ZNF790: variants seen among roughly 807,000 people sequenced by gnomAD.
The protein encoded by ZNF790 is zinc finger protein 790.
In ZNF790, 8 loss-of-function variants were observed where a neutral mutation model predicts 12.1. The ratio of observed to expected loss-of-function variants is 0.66; its 90% CI spans 0.39 to 1.19. ZNF790 has a LOEUF of 1.19. ZNF790 is among the 50% of genes most tolerant of loss of function. The pLI is 0.01. For synonymous variants in ZNF790, 252 were observed against 244.3 expected (o/e 1.03, Z -0.29); for missense variants, 707 against 752.2 (o/e 0.94, Z 0.70).
upstream of ZNF790, among the ~76,000 whole-genome samples, chr19:36,839,149 C>T (rs2072105870): frequency 6.6e-6 from 1 of 152,238 alleles, no homozygotes; most frequent in Non-Finnish European, 1.5e-5. Flanking sequence ...GAAGTACACA[C>T]TTGCCAGTTT....
At position 36,825,837 on chromosome 19, in the gene ZNF790, G is replaced by A. The variant is rs928954566; in HGVS notation, c.-73-145C>T. ...CCAAAACCAGAGAGATTCAACAAAA[G>A]CAGGATGAAGTTTCAGTCGAATCAC... On this transcript the variant is annotated intron_variant, in intron 1 of 4. Coordinates refer to ENST00000356725, the MANE Select transcript of ZNF790 (RefSeq NM_206894.4). 3 of 613,106 alleles carry A rather than the reference G, an allele frequency of 4.9e-6. No individual in the cohort carries two copies. In the South Asian group the frequency reaches 5.9e-5, roughly 12 times the overall value. The allele number at this position is 613,106 out of a possible 1,614,324, so 38.0% of individuals were successfully genotyped here.
upstream of ZNF790, chr19:36,838,504 A>C (rs2072098215): frequency 6.6e-6 from 1 of 152,190 alleles, no homozygotes; most frequent in Admixed American, 6.6e-5. This position sits in a 1 kb window ranked among gnomAD's most constrained non-coding sequence, Gnocchi z 4.4. Context: ...CCATTAACGG[A>C]CCCTGCATTT....
intron 1 of ZNF790, among the ~76,000 whole-genome samples, chr19:36,844,197 G>A (rs1600674967): frequency 6.6e-6 from 1 of 151,666 alleles, no homozygotes; most frequent in East Asian, 1.9e-4. Flanking sequence ...TGTGGTCCCA[G>A]CTACTTGTGA....
intron 1 of ZNF790, among the ~76,000 whole-genome samples, chr19:36,832,682 C>G (rs1348224914): frequency 6.6e-6 from 1 of 152,152 alleles, no homozygotes; most frequent in Non-Finnish European, 1.5e-5. Flanking sequence ...TAAGCCACTC[C>G]TGAACTCCTG....
chr19:36,839,350 T>C (rs2072108267), upstream of ZNF790, among the ~76,000 whole-genome samples: 2 of 152,226 alleles, frequency 1.3e-5, no homozygotes, highest in East Asian at 1.9e-4. Context: ...CAAGTGTTGG[T>C]ATCTCAAGAA....
chr19:36,820,209 A>G (rs987105661), intron 4 of ZNF790, 95 bp from the exon 5 acceptor site: 35 of 1,334,048 alleles, frequency 2.6e-5, no homozygotes, highest in Non-Finnish European at 3.1e-5. Context: ...AGTAAAGCAT[A>G]TGAGAAGTGA....
intron 1 of ZNF790, among the ~76,000 whole-genome samples, chr19:36,827,141 C>CACACACACACACATAT (rs1313807327): frequency 2.5e-4 from 21 of 84,438 alleles, no homozygotes; most frequent in African/African-American, 1.1e-3. Context: ...CACACACACA[C>CACACACACACACATAT]ATATATATAT....
At chr19:36,850,189 G>A (rs1006026014) in exon 1 of ZNF790, 2 of 152,244 alleles carry the variant, frequency 1.3e-5, no homozygotes, top group Non-Finnish European at 2.9e-5. Context: ...GGCACAGTTA[G>A]TCTGGTCACT....
Position 36,823,351 on chromosome 19 carries a change from A to G in ZNF790, c.163T>C (p.Ser55Pro). 6.2e-7 allele frequency: 1 copy of G among 1,614,134 alleles called. No individual in the cohort carries two copies. The highest frequency in any genetic ancestry group is 1.7e-5 in the Admixed American group (1 of 60,026). Reference protein sequence around the residue: ...GFCIYQPEAFSLLEKGKEPWK... With the variant: ...GFCIYQPEAFPLLEKGKEPWK... The stretch of plus-strand genomic sequence containing the variant: ...GGCTCTTTCCCTTTCTCCAATAAAG[A>G]GAACGCTTCTGGCTGATAAATGCAA... The change falls in exon 4 of 5, where the codon TCT becomes CCT. Residue 55 changes from serine (S) to proline (P), a missense_variant. Physicochemically the swap from Ser to Pro is moderately conservative, Grantham distance 74. Transcript: ENST00000356725.
intron 1 of ZNF790, among the ~76,000 whole-genome samples, chr19:36,846,314 T>C (rs1568345101): frequency 6.6e-6 from 1 of 151,898 alleles, no homozygotes; most frequent in Non-Finnish European, 1.5e-5. Context: ...GTCCCAGCAC[T>C]TTGGGAGGAC....
At chr19:36,830,795 A>G (rs1168959470) in intron 1 of ZNF790, among the ~76,000 whole-genome samples, 1 of 152,246 alleles carries the variant, frequency 6.6e-6, no homozygotes, top group Admixed American at 6.5e-5. Context: ...AGGAAAATCT[A>G]TTACATCCTC....
chr19:36,836,189 A>G (rs989503194), intron 1 of ZNF790, among the ~76,000 whole-genome samples: 1 of 152,132 alleles, frequency 6.6e-6, no homozygotes, highest in African/African-American at 2.4e-5. Context: ...CAGAAGAAAC[A>G]GGATATACTA....
intron 1 of ZNF790, among the ~76,000 whole-genome samples, chr19:36,827,143 T>TATATAC (rs1379679661): frequency 4.2e-5 from 2 of 47,098 alleles, no homozygotes; most frequent in African/African-American, 2.3e-4. Context: ...CACACACACA[T>TATATAC]ATATATATAT....
chr19:36,831,365 G>A (rs767151442), intron 1 of ZNF790, among the ~76,000 whole-genome samples: 4 of 152,114 alleles, frequency 2.6e-5, no homozygotes, highest in African/African-American at 4.8e-5. Flanking sequence ...ATAGACCATA[G>A]ATGGGAGTTA....
intron 1 of ZNF790, among the ~76,000 whole-genome samples, chr19:36,829,284 C>T (rs1346646684): frequency 6.6e-6 from 1 of 152,178 alleles, no homozygotes; most frequent in East Asian, 1.9e-4. Context: ...CTTGGCTTCC[C>T]CACTGCCACA....
At position 36,823,692 on chromosome 19, in the gene ZNF790, C is replaced by T; in HGVS notation, c.108G>A (p.Glu36=). 6.2e-7 allele frequency: 1 copy of T among 1,610,068 alleles called. No homozygotes were observed. The highest frequency in any genetic ancestry group is 8.5e-7 in the Non-Finnish European group (1 of 1,179,146). ...QRDLYRDVML[E]NYSNMVSLGF... ...CCAGTGAGACCATGTTGCTGTAGTT[C>T]TCCAACATCACATCTCTATATAAAT... Residue 36 remains glutamate, a synonymous_variant, in exon 3 of 5, where the codon GAG becomes GAA. Transcript: ENST00000356725.
At chr19:36,837,195 C>T (rs756102594) in intron 1 of ZNF790, among the ~76,000 whole-genome samples, 4 of 152,216 alleles carry the variant, frequency 2.6e-5, no homozygotes, top group Non-Finnish European at 5.9e-5. Flanking sequence ...CCCCTTTTCT[C>T]ATTCTTCCCA....
At chr19:36,835,078 G>C (rs374572468) in intron 1 of ZNF790, among the ~76,000 whole-genome samples, 28 of 152,302 alleles carry the variant, frequency 1.8e-4, no homozygotes, top group Middle Eastern at 3.4e-3. Flanking sequence ...ACAAGGTCAG[G>C]AGTTCAAGAC....
intron 1 of ZNF790, among the ~76,000 whole-genome samples, chr19:36,833,839 T>A (rs2146070936): frequency 6.6e-6 from 1 of 152,242 alleles, no homozygotes; most frequent in African/African-American, 2.4e-5. Flanking sequence ...ACAGAATATC[T>A]TCATACCTTG....
Sources: gnomAD v4.1 joint callset for allele counts (sites outside exome capture counted in the v4.1 genomes callset) on GRCh38, gnomAD v4.1.1 for gene constraint, Gnocchi (gnomAD v3.1) non-coding constraint, MANE v1.5 for transcripts, NCBI Gene and HGNC (gene_info 2026-07-23, HGNC 2026-07-21) for gene names.